TBC1D4: variants seen among roughly 807,000 people sequenced by gnomAD.
The protein encoded by TBC1D4 is TBC1 domain family member 4.
A neutral mutation model predicts 142.5 loss-of-function variants in TBC1D4; 121 were observed. The ratio of observed to expected loss-of-function variants is 0.85; its 90% CI spans 0.73 to 0.99. The LOEUF (loss-of-function observed/expected upper bound fraction) is 0.99, where lower values mean the gene tolerates loss of function less well. Ranked by LOEUF, TBC1D4 falls within the 50% of genes least tolerant of loss-of-function variation. The probability of loss-of-function intolerance (pLI) is 0.00; values close to 1 mark genes in which losing one functional copy is unlikely to be tolerated. For synonymous variants in TBC1D4, 630 were observed against 628.2 expected, an observed-to-expected ratio of 1.00 and a Z score of -0.04; for missense variants, 1,475 against 1,606.6, an observed-to-expected ratio of 0.92 and a Z score of 1.40.
intron 1 of TBC1D4, among the ~76,000 whole-genome samples, chr13:75,410,086 G>A (rs538937972): frequency 6.6e-6 from 1 of 152,296 alleles, no homozygotes; most frequent in African/African-American, 2.4e-5. Context: ...CACTCTCAGA[G>A]TATTGTTGTG....
At chr13:75,408,260 T>A (rs1281095240) in intron 1 of TBC1D4, among the ~76,000 whole-genome samples, 1 of 152,240 alleles carries the variant, frequency 6.6e-6, no homozygotes, top group Admixed American at 6.5e-5. Context: ...TTGGGGTTCA[T>A]AATGTTGTGG....
At chr13:75,449,296 G>A (rs925146694) in intron 1 of TBC1D4, among the ~76,000 whole-genome samples, 1 of 151,758 alleles carries the variant, frequency 6.6e-6, no homozygotes, top group Middle Eastern at 3.2e-3. Flanking sequence ...AACCATATGT[G>A]TGTATACACA....
chr13:75,436,584 G>A (rs1231971366), intron 1 of TBC1D4, among the ~76,000 whole-genome samples: 1 of 151,742 alleles, frequency 6.6e-6, no homozygotes, highest in Non-Finnish European at 1.5e-5. Context: ...TGAGCTCAAG[G>A]AGGCTGAGGC....
Position 75,477,728 on chromosome 13 carries a change from C to T in TBC1D4, c.498+3542G>A, listed in dbSNP as rs545699384. Among the ~76,000 whole-genome samples, 14 of 152,284 alleles carry T rather than the reference C, an allele frequency of 9.2e-5. No individual in the cohort carries two copies. In the East Asian group the frequency reaches 2.5e-3, roughly 27 times the overall value. ...TAAATATTTACAGAGTATTAGTGACCTATCCTAGACCTTTGGGAGAGAATC... is the reference window on the plus strand; with the variant it reads ...TAAATATTTACAGAGTATTAGTGACTTATCCTAGACCTTTGGGAGAGAATC... On this transcript the variant is annotated intron_variant, in intron 1 of 20. Coordinates refer to ENST00000377636, the MANE Select transcript of TBC1D4 (RefSeq NM_014832.5).
At chr13:75,455,999 C>CTTTTTTTT (rs946468661) in intron 1 of TBC1D4, among the ~76,000 whole-genome samples, 1 of 146,342 alleles carries the variant, frequency 6.8e-6, no homozygotes, top group African/African-American at 2.5e-5. Flanking sequence ...CTCATATAGG[C>CTTTTTTTT]TTTTTTTTTT....
At chr13:75,360,218 T>C (rs1182451598) in intron 2 of TBC1D4, among the ~76,000 whole-genome samples, 2 of 152,178 alleles carry the variant, frequency 1.3e-5, no homozygotes, top group Non-Finnish European at 2.9e-5. Context: ...TACTTTCTTC[T>C]AAATGGTCAG....
intron 1 of TBC1D4, among the ~76,000 whole-genome samples, chr13:75,406,275 A>G (rs1180834019): frequency 1.3e-5 from 2 of 152,222 alleles, no homozygotes; most frequent in Non-Finnish European, 2.9e-5. Context: ...TAAACACTGG[A>G]TTCCTTATAA....
chr13:75,470,946 A>C (rs1270762070), intron 1 of TBC1D4, among the ~76,000 whole-genome samples: 1 of 151,820 alleles, frequency 6.6e-6, no homozygotes, highest in Non-Finnish European at 1.5e-5. Context: ...AAGATCCGCC[A>C]CTGCACTCCA....
At chr13:75,466,564 C>G (rs190428762) in intron 1 of TBC1D4, among the ~76,000 whole-genome samples, 42 of 152,170 alleles carry the variant, frequency 2.8e-4, no homozygotes, top group African/African-American at 9.9e-4. Flanking sequence ...ACGGTAGTAG[C>G]GTGGCTTTTA....
intron 8 of TBC1D4, among the ~76,000 whole-genome samples, chr13:75,329,496 C>A (rs1879569984): frequency 6.7e-6 from 1 of 149,762 alleles, no homozygotes; most frequent in South Asian, 2.1e-4. Context: ...CTCTGTGTTT[C>A]TGCCCCAATC....
At chr13:75,375,455 C>A (rs1883444694) in intron 1 of TBC1D4, 1 of 152,150 alleles carries the variant, frequency 6.6e-6, no homozygotes, top group Non-Finnish European at 1.5e-5. Context: ...ACCTGTTGAA[C>A]CCAATCGTTG....
At chr13:75,392,217 C>T (rs1197174999) in intron 1 of TBC1D4, among the ~76,000 whole-genome samples, 1 of 152,038 alleles carries the variant, frequency 6.6e-6, no homozygotes, top group Non-Finnish European at 1.5e-5. Flanking sequence ...ACCAAAAGGC[C>T]GTATTTTAAA....
intron 12 of TBC1D4, among the ~76,000 whole-genome samples, chr13:75,316,789 T>C (rs1426083679): frequency 6.6e-6 from 1 of 152,194 alleles, no homozygotes; most frequent in African/African-American, 2.4e-5. Context: ...GGAGTTTATT[T>C]CTTTTGGTTT....
Position 75,362,060 on chromosome 13 carries a change from G to A in TBC1D4, c.1046C>T (p.Ser349Leu), listed in dbSNP as rs768561905. The A allele has an allele frequency of 1.9e-6, 3 of 1,614,146 alleles. No homozygotes were observed. In the East Asian group the frequency reaches 6.7e-5, roughly 36 times the overall value. The stretch of plus-strand genomic sequence containing the variant: ...CATGGTCCTGTTCTTCTCCGAGTCC[G>A]AGGGCTGGACGTGACTGGGTGCGCT... ...HASAPSHVQP[S>L]DSEKNRTMLF... is the part of the protein sequence containing the mutation. Residue 349 changes from serine to leucine, a missense_variant, in exon 2 of 21, where the codon TCG becomes TTG. Coordinates refer to ENST00000377636, the MANE Select transcript of TBC1D4 (RefSeq NM_014832.5). This position sits in a 1 kb window ranked among gnomAD's most constrained non-coding sequence, Gnocchi z 4.2.
chr13:75,324,877 G>A (rs1425678769), intron 10 of TBC1D4, among the ~76,000 whole-genome samples: 1 of 152,108 alleles, frequency 6.6e-6, no homozygotes, highest in Non-Finnish European at 1.5e-5. Context: ...AATGCCTTTG[G>A]CTTAACAAAC....
At chr13:75,343,599 C>A (rs1421073638) in intron 5 of TBC1D4, among the ~76,000 whole-genome samples, 1 of 152,142 alleles carries the variant, frequency 6.6e-6, no homozygotes, top group Non-Finnish European at 1.5e-5. Flanking sequence ...CTCACCGCAA[C>A]TTCCTCCTCC....
At chr13:75,441,023 A>C (rs1887016562) in intron 1 of TBC1D4, among the ~76,000 whole-genome samples, 1 of 152,134 alleles carries the variant, frequency 6.6e-6, no homozygotes. Context: ...TTGGGAGGCC[A>C]AGGCAGGTGG....
chr13:75,300,881 A>G (rs919376600), intron 16 of TBC1D4, among the ~76,000 whole-genome samples: 3 of 152,198 alleles, frequency 2.0e-5, no homozygotes, highest in South Asian at 4.1e-4. Flanking sequence ...GAGAGGATGG[A>G]CGCTCAGAAG....
chr13:75,470,856 G>A (rs775286080), intron 1 of TBC1D4, among the ~76,000 whole-genome samples: 6 of 151,942 alleles, frequency 3.9e-5, no homozygotes, highest in Non-Finnish European at 8.8e-5. Flanking sequence ...GTGCGGTGGA[G>A]CGTGCCTGTA....
Sources: gnomAD v4.1 joint callset for allele counts (sites outside exome capture counted in the v4.1 genomes callset) on GRCh38, gnomAD v4.1.1 for gene constraint, Gnocchi (gnomAD v3.1) non-coding constraint, MANE v1.5 for transcripts, NCBI Gene and HGNC (gene_info 2026-07-23, HGNC 2026-07-21) for gene names.